M6PR: variants seen among roughly 807,000 people sequenced by gnomAD.
The protein encoded by M6PR is cation-dependent mannose-6-phosphate receptor.
M6PR carries 19 observed loss-of-function variants against 33.1 expected under a neutral mutation model. The ratio of observed to expected loss-of-function variants is 0.57; its 90% CI spans 0.40 to 0.84. The LOEUF (loss-of-function observed/expected upper bound fraction) is 0.84, where lower values mean the gene tolerates loss of function less well. M6PR is among the 40% of genes least tolerant of loss of function. M6PR has a pLI of 0.00. For synonymous variants in M6PR, 111 were observed against 123.4 expected (o/e 0.90, Z 0.67); for missense variants, 295 against 336.0 (o/e 0.88, Z 0.95).
In M6PR at chr12:8,941,919, G is replaced by A. The variant is rs929296762; in HGVS notation, c.733C>T (p.Arg245Cys). The change falls in exon 7 of 7, where the codon CGT becomes TGT. Residue 245 changes from arginine to cysteine, a missense_variant. Coordinates refer to ENST00000000412, the MANE Select transcript of M6PR (RefSeq NM_002355.4). The stretch of plus-strand genomic sequence containing the variant: ...GCAGGCACATTTCGAGGTTTAGAAC[G>A]GCAGACAAAGTCACAGCCATCCTGT... ...LVADGCDFVC[R>C]SKPRNVPAAY... is the part of the protein sequence containing the mutation. 4 of 1,614,032 alleles carry A rather than the reference G, an allele frequency of 2.5e-6. No individual in the cohort carries two copies. The highest frequency in any genetic ancestry group is 2.5e-6 in the Non-Finnish European group (3 of 1,179,992).
At chr12:8,948,904 C>T (rs1210206701) in intron 1 of M6PR, among the ~76,000 whole-genome samples, 1 of 152,208 alleles carries the variant, frequency 6.6e-6, no homozygotes, top group Non-Finnish European at 1.5e-5. Flanking sequence ...GAAAAGCAGC[C>T]TCAATTGGCT....
Position 8,941,783 on chromosome 12 carries a change from G to T in M6PR, c.*35C>A. ...TCTGGCTGTGTAGCTTTGGTTTGGG[G>T]GACTGAGGAAGAGGCTGGACATATA... On this transcript the variant is annotated 3_prime_UTR_variant, in exon 7 of 7. Transcript: ENST00000000412. 6.2e-7 allele frequency: 1 copy of T among 1,612,152 alleles called. No homozygotes were observed. The highest frequency in any genetic ancestry group is 8.5e-7 in the Non-Finnish European group (1 of 1,178,388).
At chr12:8,947,663 G>A (rs1239625023) in intron 1 of M6PR, among the ~76,000 whole-genome samples, 4 of 152,168 alleles carry the variant, frequency 2.6e-5, no homozygotes, top group African/African-American at 9.7e-5. Context: ...AACCTTATGA[G>A]TAAATACAAT....
Position 8,946,253 on chromosome 12 carries a change from C to T in M6PR, c.152G>A (p.Arg51Lys), listed in dbSNP as rs1202604120. ...CCTTTTATTAAACAGTGGTTTCAGC[C>T]TCTTCACTAGAGCCAACTCTTTCTC... is the stretch of plus-strand genomic sequence containing the variant. ...ESEKELALVK[R>K]LKPLFNKSFE... The change falls in exon 2 of 7, where the codon AGG becomes AAG. Residue 51 changes from arginine to lysine, a missense_variant. Coordinates refer to ENST00000000412, the MANE Select transcript of M6PR (RefSeq NM_002355.4). 6.2e-7 allele frequency: 1 copy of T among 1,613,996 alleles called. No homozygotes were observed. The highest frequency in any genetic ancestry group is 1.3e-5 in the African/African-American group (1 of 74,902).
chr12:8,942,545 G>C lies in M6PR; in HGVS notation c.585-3C>G. ...AAACAGCAACCAGTGATGCAAACCT[G>C]TAGAGAGAGAAAGACATCTATACTT... On this transcript the variant is annotated splice_region_variant and splice_polypyrimidine_tract_variant and intron_variant, in intron 5 of 6. Coordinates refer to ENST00000000412, the MANE Select transcript of M6PR (RefSeq NM_002355.4). 6.2e-7 allele frequency: 1 copy of C among 1,614,038 alleles called. No homozygotes were observed. Among genetic ancestry groups the C allele is most frequent in the Non-Finnish European group, 8.5e-7 (1 of 1,179,928 alleles).
At chr12:8,942,046 G>A (rs1467901299) in intron 6 of M6PR, 106 bp from the exon 7 acceptor site, 25 of 1,255,878 alleles carry the variant, frequency 2.0e-5, no homozygotes, top group African/African-American at 3.0e-5. Flanking sequence ...TTTTCTATAG[G>A]GATAATGAGA....
At position 8,946,375 on chromosome 12, in the gene M6PR, A is replaced by G; in HGVS notation, c.30T>C (p.Thr10=). MFPFYSCWR[T]GLLLLLLAVA... ...CAGCCAGGAGTAGTAGTAGCAGTCC[A>G]GTCCTCCAGCAGCTGTAGAAAGGGA... Residue 10 remains threonine, a synonymous_variant, in exon 2 of 7, where the codon ACT becomes ACC. Coordinates refer to ENST00000000412, the MANE Select transcript of M6PR (RefSeq NM_002355.4). 1 of 1,613,610 alleles carries G rather than the reference A, an allele frequency of 6.2e-7. No homozygotes were observed. The highest frequency in any genetic ancestry group is 8.5e-7 in the Non-Finnish European group (1 of 1,179,882).
intron 3 of M6PR, among the ~76,000 whole-genome samples, chr12:8,944,780 G>T (rs1042508453): frequency 2.6e-5 from 4 of 152,130 alleles, no homozygotes; most frequent in African/African-American, 9.7e-5. Flanking sequence ...TTGATGAAAA[G>T]TGGTGGTGGT....
At chr12:8,942,002 T>G in intron 6 of M6PR, 62 bp from the exon 7 acceptor site, 2 of 1,580,136 alleles carry the variant, frequency 1.3e-6, no homozygotes, top group Non-Finnish European at 1.7e-6. Context: ...TATGAGAAAG[T>G]GTACTTATGG....
chr12:8,942,013 T>C, intron 6 of M6PR, 73 bp from the exon 7 acceptor site: 1 of 1,537,620 alleles, frequency 6.5e-7, no homozygotes, highest in East Asian at 2.3e-5. Context: ...GTACTTATGG[T>C]CTAGGAATGT....
chr12:8,947,132 G>C (rs369624490), intron 1 of M6PR, among the ~76,000 whole-genome samples: 1 of 152,042 alleles, frequency 6.6e-6, no homozygotes, highest in African/African-American at 2.4e-5. Flanking sequence ...AGAGTATCAC[G>C]GACAATTTCC....
At chr12:8,942,626 C>G (rs1421609715) in intron 5 of M6PR, 84 bp from the exon 6 acceptor site, 1 of 1,440,410 alleles carries the variant, frequency 6.9e-7, no homozygotes, top group Non-Finnish European at 9.5e-7. Flanking sequence ...TTATTGTCAG[C>G]TGTTTCCTAA....
In M6PR at chr12:8,941,952, A is replaced by G. The variant is rs1805765; in HGVS notation, c.712-12T>C. ...AAGTCACAGCCATCCTGTAGGGGGA[A>G]AAAAAAGAAGGAAATAATTCGCAGC... is the stretch of plus-strand genomic sequence containing the variant. On this transcript the variant is annotated splice_polypyrimidine_tract_variant and intron_variant, in intron 6 of 6. Coordinates refer to ENST00000000412, the MANE Select transcript of M6PR (RefSeq NM_002355.4). 0.44 allele frequency: 714,161 copies of G among 1,612,316 alleles called. 162,945 individuals are homozygous for G. The highest frequency in any genetic ancestry group is 0.46 in the Non-Finnish European group (541,607 of 1,178,518).
intron 1 of M6PR, among the ~76,000 whole-genome samples, chr12:8,948,401 C>T (rs1483238205): frequency 6.6e-6 from 1 of 152,194 alleles, no homozygotes; most frequent in Non-Finnish European, 1.5e-5. Flanking sequence ...TGTTAAATTA[C>T]TTGCTGTACA....
intron 4 of M6PR, 106 bp from the exon 5 acceptor site, chr12:8,943,641 T>C: frequency 6.8e-7 from 1 of 1,478,788 alleles, no homozygotes; most frequent in East Asian, 2.3e-5. Context: ...TTCAGCAGCC[T>C]ATTTTCCATG....
At chr12:8,948,886 CAT>C (rs1044508435) in intron 1 of M6PR, among the ~76,000 whole-genome samples, 7 of 152,210 alleles carry the variant, frequency 4.6e-5, no homozygotes, top group Non-Finnish European at 8.8e-5. Flanking sequence ...CAGCAGCCTA[CAT>C]GTTTAGAAAA....
chr12:8,948,532 G>C (rs904773762), intron 1 of M6PR, among the ~76,000 whole-genome samples: 2 of 152,206 alleles, frequency 1.3e-5, no homozygotes, highest in African/African-American at 4.8e-5. Flanking sequence ...GAATGAAATG[G>C]AAGGGCCCAG....
Position 8,946,397 on chromosome 12 carries a change from G to A in M6PR, c.8C>T (p.Pro3Leu). The stretch of plus-strand genomic sequence containing the variant: ...TCCAGTCCTCCAGCAGCTGTAGAAA[G>A]GGAACATCCTTTGGGAGAGAGTGTG... MF[P>L]FYSCWRTGLL... is the part of the protein sequence containing the mutation. Residue 3 changes from proline to leucine, a missense_variant, in exon 2 of 7, where the codon CCT becomes CTT. Pro to Leu is a moderately conservative substitution (Grantham distance 98, BLOSUM62 -3). Transcript: ENST00000000412. 1 of 1,607,242 alleles carries A rather than the reference G, an allele frequency of 6.2e-7. No individual in the cohort carries two copies. Among genetic ancestry groups the A allele is most frequent in the Non-Finnish European group, 8.5e-7 (1 of 1,176,474 alleles).
intron 3 of M6PR, among the ~76,000 whole-genome samples, chr12:8,944,892 G>C (rs1345211675): frequency 6.6e-6 from 1 of 152,094 alleles, no homozygotes; most frequent in Non-Finnish European, 1.5e-5. Flanking sequence ...TGGGCGCGGT[G>C]GTTCATGCCT....
Sources: gnomAD v4.1 joint callset for allele counts (sites outside exome capture counted in the v4.1 genomes callset) on GRCh38, gnomAD v4.1.1 for gene constraint, MANE v1.5 for transcripts, NCBI Gene and HGNC (gene_info 2026-07-23, HGNC 2026-07-21) for gene names.